The following ANKRD6 variants were observed in gnomAD, a reference collection of about 807,000 sequenced individuals.
The protein encoded by ANKRD6 is ankyrin repeat domain-containing protein 6.
A neutral mutation model predicts 82.3 loss-of-function variants in ANKRD6; 56 were observed. The ratio of observed to expected loss-of-function variants is 0.68; its 90% CI spans 0.55 to 0.85. The LOEUF (loss-of-function observed/expected upper bound fraction) is 0.85, where lower values mean the gene tolerates loss of function less well. Among genes scored for constraint, ANKRD6 ranks in the 40% least tolerant of loss-of-function variants. ANKRD6 has a pLI of 0.00. For synonymous variants in ANKRD6, 347 were observed against 352.1 expected, an observed-to-expected ratio of 0.99 and a Z score of 0.16; for missense variants, 852 against 907.6, an observed-to-expected ratio of 0.94 and a Z score of 0.79.
chr6:89,526,419 A>G (rs2127980854), intron 1 of ANKRD6, among the ~76,000 whole-genome samples: 1 of 152,306 alleles, frequency 6.6e-6, no homozygotes, highest in South Asian at 2.1e-4. Context: ...AGAAAGAGTA[A>G]CAGCAGCTGT....
intron 1 of ANKRD6, among the ~76,000 whole-genome samples, chr6:89,493,074 C>T (rs1251777982): frequency 6.6e-6 from 1 of 152,182 alleles, no homozygotes; most frequent in African/African-American, 2.4e-5. Context: ...GGCTCCATAA[C>T]CCTTCAGCTG....
chr6:89,481,637 T>A (rs1776823964), intron 1 of ANKRD6, among the ~76,000 whole-genome samples: 1 of 152,244 alleles, frequency 6.6e-6, no homozygotes, highest in Admixed American at 6.5e-5. Flanking sequence ...TGTTTTATAA[T>A]AATGTTATTA....
chr6:89,458,987 A>G (rs1773802359), intron 1 of ANKRD6, among the ~76,000 whole-genome samples: 1 of 152,280 alleles, frequency 6.6e-6, no homozygotes, highest in Admixed American at 6.5e-5. Flanking sequence ...AACCTTGGGC[A>G]GTGTGGAGGG....
chr6:89,595,812 A>T, intron 2 of ANKRD6, 104 bp from the exon 3 acceptor site: 1 of 825,406 alleles, frequency 1.2e-6, no homozygotes, highest in Non-Finnish European at 2.0e-6. Flanking sequence ...GGAGGGAGTG[A>T]TCATCCGAAA....
Position 89,629,934 on chromosome 6 carries a change from G to T in ANKRD6, c.1613-499G>T, listed in dbSNP as rs535826174. On this transcript the variant is annotated intron_variant, in intron 15 of 15. Coordinates refer to ENST00000339746, the MANE Select transcript of ANKRD6 (RefSeq NM_001242809.2). ...GCTAGGACTACTCTTAGGGCTTGTC[G>T]TGGAGCTCTGGGTGTGGAAAATGGG... is the stretch of plus-strand genomic sequence containing the variant. Among the ~76,000 whole-genome samples the T allele has an allele frequency of 3.8e-4, 58 of 152,308 alleles. No individual in the cohort carries two copies. In the South Asian group the frequency reaches 0.011, roughly 28 times the overall value.
At chr6:89,468,276 T>C (rs1323150987) in intron 1 of ANKRD6, among the ~76,000 whole-genome samples, 1 of 152,164 alleles carries the variant, frequency 6.6e-6, no homozygotes, top group African/African-American at 2.4e-5. Context: ...TAATGAAATA[T>C]CCCATATTAC....
At chr6:89,445,547 A>G (rs1313483606) in intron 1 of ANKRD6, among the ~76,000 whole-genome samples, 1 of 152,116 alleles carries the variant, frequency 6.6e-6, no homozygotes, top group Non-Finnish European at 1.5e-5. Context: ...CCTGGGTTCA[A>G]GTGGTTCCCC....
intron 2 of ANKRD6, among the ~76,000 whole-genome samples, chr6:89,595,416 A>G (rs1462129246): frequency 6.6e-6 from 1 of 150,768 alleles, no homozygotes; most frequent in African/African-American, 2.4e-5. Flanking sequence ...AGAGAGTCAG[A>G]CCCTGTCTCA....
At chr6:89,555,306 A>G (rs138311969) in intron 1 of ANKRD6, among the ~76,000 whole-genome samples, 128 of 151,970 alleles carry the variant, frequency 8.4e-4, no homozygotes, top group African/African-American at 3.0e-3. Flanking sequence ...GGCCAACAGT[A>G]CTGACATCAC....
chr6:89,541,857 T>C (rs1784483926), intron 1 of ANKRD6, among the ~76,000 whole-genome samples: 1 of 151,618 alleles, frequency 6.6e-6, no homozygotes, highest in Non-Finnish European at 1.5e-5. Flanking sequence ...GTCTCATAAC[T>C]TTACCTAGTT....
At chr6:89,624,415 G>A (rs1353507326) in intron 12 of ANKRD6, 124 bp from the exon 13 acceptor site, 1 of 1,258,478 alleles carries the variant, frequency 7.9e-7, no homozygotes, top group African/African-American at 1.5e-5. Context: ...GTTATGACAA[G>A]GATGAGCCTA....
At chr6:89,453,569 G>A (rs1386006931) in intron 1 of ANKRD6, among the ~76,000 whole-genome samples, 1 of 151,666 alleles carries the variant, frequency 6.6e-6, no homozygotes, top group African/African-American at 2.4e-5. Flanking sequence ...TCAATGTTGG[G>A]AAGTGCCTCC....
intron 1 of ANKRD6, among the ~76,000 whole-genome samples, chr6:89,473,867 C>A (rs1273267782): frequency 4.6e-5 from 7 of 152,086 alleles, no homozygotes; most frequent in African/African-American, 1.4e-4. Flanking sequence ...GTAATCCCAG[C>A]TACTTGGGAG....
At chr6:89,488,196 A>G (rs1026994541) in intron 1 of ANKRD6, among the ~76,000 whole-genome samples, 3 of 152,210 alleles carry the variant, frequency 2.0e-5, no homozygotes, top group African/African-American at 7.2e-5. Context: ...CCAGTGCAGT[A>G]TTGCCAGAGG....
intron 9 of ANKRD6, chr6:89,619,776 A>G (rs895622784): frequency 2.6e-5 from 4 of 152,196 alleles, no homozygotes; most frequent in African/African-American, 7.2e-5. Flanking sequence ...CTTTGCCTGA[A>G]AAGAGAAAAT....
intron 2 of ANKRD6, among the ~76,000 whole-genome samples, chr6:89,584,055 A>G (rs746777640): frequency 6.6e-6 from 1 of 152,356 alleles, no homozygotes; most frequent in Admixed American, 6.5e-5. Flanking sequence ...ATTATGTGCT[A>G]GTAAAACTCC....
chr6:89,504,019 A>G (rs1240421408), intron 1 of ANKRD6, among the ~76,000 whole-genome samples: 1 of 151,610 alleles, frequency 6.6e-6, no homozygotes. Flanking sequence ...TATTCTGGGT[A>G]AAATGAGAAG....
chr6:89,596,138 A>T (rs1399586717), intron 3 of ANKRD6, 124 bp downstream of exon 3: 2 of 817,528 alleles, frequency 2.4e-6, no homozygotes, highest in East Asian at 5.4e-5. Flanking sequence ...TTTTAGCTGC[A>T]TCTTGGTCTC....
At chr6:89,571,246 G>T (rs1789829951) in intron 2 of ANKRD6, among the ~76,000 whole-genome samples, 2 of 151,988 alleles carry the variant, frequency 1.3e-5, no homozygotes, top group African/African-American at 4.8e-5. Flanking sequence ...GTAGAGATAA[G>T]GTTTCACCGT....
Sources: gnomAD v4.1 joint callset for allele counts (sites outside exome capture counted in the v4.1 genomes callset) on GRCh38, gnomAD v4.1.1 for gene constraint, MANE v1.5 for transcripts, NCBI Gene and HGNC (gene_info 2026-07-23, HGNC 2026-07-21) for gene names.